STMN2: variants seen among roughly 807,000 people sequenced by gnomAD.
The protein encoded by STMN2 is stathmin 2, also known as stathmin-2.
In STMN2, 2 loss-of-function variants were observed where a neutral mutation model predicts 24.1. The observed-to-expected ratio is 0.08, with a 90% confidence interval of 0.03 to 0.26. The LOEUF is 0.26. STMN2 is among the 10% of genes least tolerant of loss of function. The pLI is 1.00. For synonymous variants in STMN2, 83 were observed against 77.5 expected, an observed-to-expected ratio of 1.07 and a Z score of -0.37; for missense variants, 114 against 213.6, an observed-to-expected ratio of 0.53 and a Z score of 2.91.
chr8:79,630,830 A>G (rs1169061737), intron 1 of STMN2, among the ~76,000 whole-genome samples: 1 of 152,140 alleles, frequency 6.6e-6, no homozygotes, highest in Non-Finnish European at 1.5e-5. Context: ...GCTTTGTCTC[A>G]TTTAAGTCCC....
chr8:79,639,938 A>G (rs1172958432), intron 2 of STMN2, among the ~76,000 whole-genome samples: 1 of 152,218 alleles, frequency 6.6e-6, no homozygotes, highest in Non-Finnish European at 1.5e-5. Context: ...GTGGTGGCTC[A>G]CGCCTATAAT....
At chr8:79,653,623 C>A (rs1249215462) in intron 3 of STMN2, among the ~76,000 whole-genome samples, 1 of 152,170 alleles carries the variant, frequency 6.6e-6, no homozygotes, top group Non-Finnish European at 1.5e-5. Context: ...ACAAAAAGAC[C>A]TTTCCAGTAA....
intron 1 of STMN2, among the ~76,000 whole-genome samples, chr8:79,628,668 C>CT (rs1809722977): frequency 6.6e-6 from 1 of 151,852 alleles, no homozygotes; most frequent in South Asian, 2.1e-4. Flanking sequence ...GATCTTGTGC[C>CT]TTTTTTCATA....
At chr8:79,636,007 G>A (rs1317032459) in intron 1 of STMN2, among the ~76,000 whole-genome samples, 3 of 152,030 alleles carry the variant, frequency 2.0e-5, no homozygotes, top group Non-Finnish European at 4.4e-5. Flanking sequence ...GCTTGAGCCC[G>A]GGAATTCAAG....
chr8:79,638,723 G>T (rs1810025294), intron 2 of STMN2, among the ~76,000 whole-genome samples: 1 of 151,974 alleles, frequency 6.6e-6, no homozygotes, highest in Non-Finnish European at 1.5e-5. Flanking sequence ...TTTAAATGAG[G>T]AAATAAAAGC....
intron 2 of STMN2, among the ~76,000 whole-genome samples, chr8:79,638,787 C>A (rs542701710): frequency 4.6e-4 from 70 of 152,074 alleles, no homozygotes; most frequent in Non-Finnish European, 9.1e-4. Flanking sequence ...GAGGGGCTTA[C>A]TATTTGGATG....
At position 79,641,543 on chromosome 8, in the gene STMN2, G is replaced by A. The variant is rs1810094146; in HGVS notation, c.281G>A (p.Arg94Lys). Reference sequence around the variant, plus strand: ...AAGAAACTGGAGGCTGCAGAGGAAAGAAGAAAGGTAACTTTTTCCATAGGT... The same window carrying A: ...AAGAAACTGGAGGCTGCAGAGGAAAAAAGAAAGGTAACTTTTTCCATAGGT... The part of the protein sequence containing the change: ...IQKKLEAAEE[R>K]RKSQEAQVLK... The change falls in exon 3 of 5, where the codon AGA becomes AAA. Residue 94 changes from arginine to lysine, a missense_variant. By Grantham distance (26) the Arg-to-Lys change is conservative. Transcript: ENST00000220876. 1 of 1,601,242 alleles carries A rather than the reference G, an allele frequency of 6.2e-7. No individual in the cohort carries two copies. The highest frequency in any genetic ancestry group is 1.3e-5 in the African/African-American group (1 of 74,098).
chr8:79,631,495 T>G, intron 1 of STMN2: 2 of 924,946 alleles, frequency 2.2e-6, no homozygotes, highest in Non-Finnish European at 2.6e-6. Context: ...CAGAAATATC[T>G]AGAATATTAC....
intron 1 of STMN2, chr8:79,631,499 A>C (rs769416988): frequency 5.6e-6 from 5 of 897,336 alleles, no homozygotes; most frequent in Non-Finnish European, 6.7e-6. Flanking sequence ...AATATCTAGA[A>C]TATTACCTCA....
chr8:79,658,241 A>T (rs1227796468), intron 4 of STMN2, among the ~76,000 whole-genome samples: 1 of 152,062 alleles, frequency 6.6e-6, no homozygotes, highest in Non-Finnish European at 1.5e-5. Flanking sequence ...TCGAGACTGC[A>T]CTCCAACCTG....
chr8:79,611,790 A>T, intron 1 of STMN2: 3 of 902,416 alleles, frequency 3.3e-6, no homozygotes, highest in Non-Finnish European at 3.9e-6. Flanking sequence ...CGGTGCAGGG[A>T]GGTAAGACGG....
chr8:79,616,199 T>C (rs1438611556), intron 1 of STMN2, among the ~76,000 whole-genome samples: 1 of 152,202 alleles, frequency 6.6e-6, no homozygotes, highest in Non-Finnish European at 1.5e-5. Context: ...CTTTTCCATT[T>C]AAAGATACCT....
At chr8:79,656,226 G>A (rs1443251156) in intron 4 of STMN2, among the ~76,000 whole-genome samples, 1 of 152,196 alleles carries the variant, frequency 6.6e-6, no homozygotes, top group Non-Finnish European at 1.5e-5. Flanking sequence ...AAGCATTGCT[G>A]GGGAAGGGTG....
chr8:79,638,352 TC>T (rs1810014933), intron 2 of STMN2, among the ~76,000 whole-genome samples: 1 of 152,236 alleles, frequency 6.6e-6, no homozygotes, highest in Non-Finnish European at 1.5e-5. Context: ...GTGAGCTGAT[TC>T]TTGAAATAAG....
At chr8:79,651,194 G>T (rs969783708) in intron 3 of STMN2, among the ~76,000 whole-genome samples, 5 of 152,208 alleles carry the variant, frequency 3.3e-5, no homozygotes, top group African/African-American at 9.6e-5. Flanking sequence ...CTGAAGCACA[G>T]CCTGGCCTAG....
intron 1 of STMN2, among the ~76,000 whole-genome samples, chr8:79,622,837 TCA>T (rs970765082): frequency 9.9e-5 from 15 of 152,120 alleles, no homozygotes; most frequent in Admixed American, 2.6e-4. Flanking sequence ...AAGAATTATA[TCA>T]CACACACACG....
intron 1 of STMN2, among the ~76,000 whole-genome samples, chr8:79,634,830 A>G (rs1054187758): frequency 5.3e-5 from 8 of 152,150 alleles, no homozygotes; most frequent in African/African-American, 4.8e-5. Context: ...AATAATGCCC[A>G]AACTCATCTT....
chr8:79,625,822 G>A (rs1385630068), intron 1 of STMN2, among the ~76,000 whole-genome samples: 1 of 152,128 alleles, frequency 6.6e-6, no homozygotes, highest in Non-Finnish European at 1.5e-5. Context: ...GCTGGATGTG[G>A]TGGTTGCCGC....
At chr8:79,611,364 G>A in intron 1 of STMN2, 150 bp downstream of exon 1, 3 of 1,046,050 alleles carry the variant, frequency 2.9e-6, no homozygotes, top group Non-Finnish European at 2.8e-6. Flanking sequence ...AGTTCTGGGG[G>A]AGGTGGGAGG....
Sources: gnomAD v4.1 joint callset for allele counts (sites outside exome capture counted in the v4.1 genomes callset) on GRCh38, gnomAD v4.1.1 for gene constraint, MANE v1.5 for transcripts, NCBI Gene and HGNC (gene_info 2026-07-23, HGNC 2026-07-21) for gene names.